SERPINE3: variants seen among roughly 807,000 people sequenced by gnomAD.
SERPINE3 encodes serpin E3.
In SERPINE3, 43 loss-of-function variants were observed where a neutral mutation model predicts 41.7. That is an observed-to-expected ratio of 1.03 (90% CI 0.81 to 1.33). The LOEUF (loss-of-function observed/expected upper bound fraction) is 1.33, where lower values mean the gene tolerates loss of function less well. Ranked by LOEUF, SERPINE3 falls within the 40% of genes most tolerant of loss-of-function variation. The pLI is 0.00. For missense variants in SERPINE3, 440 were observed against 491.7 expected, an observed-to-expected ratio of 0.89 and a Z score of 0.99; for synonymous variants, 200 against 192.2, an observed-to-expected ratio of 1.04 and a Z score of -0.34.
intron 9 of SERPINE3, chr13:51,363,945 T>C (rs1955633967): frequency 9.3e-6 from 2 of 215,236 alleles, no homozygotes; most frequent in Admixed American, 5.8e-5. Flanking sequence ...TGGGATGGGC[T>C]GAATCTCTTT....
chr13:51,350,314 C>A (rs938961373), intron 6 of SERPINE3, among the ~76,000 whole-genome samples: 2 of 152,118 alleles, frequency 1.3e-5, no homozygotes, highest in African/African-American at 2.4e-5. Flanking sequence ...GACTGTTAAT[C>A]TTCATGAGGG....
intron 5 of SERPINE3, among the ~76,000 whole-genome samples, chr13:51,347,664 A>T (rs1323920203): frequency 6.6e-6 from 1 of 152,186 alleles, no homozygotes; most frequent in Admixed American, 6.5e-5. Flanking sequence ...GGAAAATTTC[A>T]CAAATAATTC....
chr13:51,360,939 G>A (rs950730176), intron 7 of SERPINE3, among the ~76,000 whole-genome samples: 3 of 152,042 alleles, frequency 2.0e-5, no homozygotes, highest in African/African-American at 7.2e-5. Flanking sequence ...CTGGCTGAAG[G>A]AGGGATTGTA....
chr13:51,342,867 T>C (rs1338893064), intron 3 of SERPINE3, among the ~76,000 whole-genome samples: 1 of 152,236 alleles, frequency 6.6e-6, no homozygotes, highest in Non-Finnish European at 1.5e-5. Context: ...TTTTTCTTAC[T>C]ACACTCAAAT....
At chr13:51,362,137 A>AC in intron 9 of SERPINE3, 1 of 1,026,660 alleles carries the variant, frequency 9.7e-7, no homozygotes. Flanking sequence ...GTTAATGTAG[A>AC]TTTTTTTTTT....
intron 4 of SERPINE3, among the ~76,000 whole-genome samples, chr13:51,346,430 C>T (rs1955346446): frequency 6.6e-6 from 1 of 152,198 alleles, no homozygotes; most frequent in Non-Finnish European, 1.5e-5. Context: ...TGGCCCCAAA[C>T]AGAACCAGGA....
intron 7 of SERPINE3, among the ~76,000 whole-genome samples, chr13:51,358,594 G>T (rs541047958): frequency 4.1e-4 from 62 of 152,234 alleles, no homozygotes; most frequent in Non-Finnish European, 7.1e-4. Context: ...GTGGTAAGGG[G>T]TGTCTATTAT....
chr13:51,359,659 T>G (rs1031562976), intron 7 of SERPINE3, among the ~76,000 whole-genome samples: 1 of 152,166 alleles, frequency 6.6e-6, no homozygotes, highest in South Asian at 2.1e-4. Context: ...TGATAAGGGG[T>G]TTCATAGTGA....
chr13:51,361,828 G>C lies in SERPINE3; in HGVS notation c.1106G>C (p.Arg369Thr), dbSNP rs766721227. The C allele has an allele frequency of 2.5e-6, 4 of 1,608,576 alleles. No individual in the cohort carries two copies. In the East Asian group the frequency reaches 6.7e-5, roughly 27 times the overall value. ...SGATALLLLK[R>T]SRIPIFKADR... The stretch of plus-strand genomic sequence containing the variant: ...CCTGCAGCTCTGTTGTTATTGAAAA[G>C]GTCTCGGATTCCTATTTTTAAAGCA... The change falls in exon 9 of 10, where the codon AGG becomes ACG. Residue 369 changes from arginine (R) to threonine (T), a missense_variant. Coordinates refer to ENST00000681248, the MANE Select transcript of SERPINE3 (RefSeq NM_001386375.1).
intron 6 of SERPINE3, 126 bp downstream of exon 6, chr13:51,348,537 C>T (rs1370425258): frequency 1.4e-6 from 1 of 712,076 alleles, no homozygotes; most frequent in African/African-American, 1.8e-5. Context: ...TAATATGTAT[C>T]CCCAGAAGTT....
At chr13:51,360,234 A>G (rs1955550174) in intron 7 of SERPINE3, among the ~76,000 whole-genome samples, 1 of 152,034 alleles carries the variant, frequency 6.6e-6, no homozygotes, top group Admixed American at 6.6e-5. Flanking sequence ...CAAACTGATC[A>G]TTTTAACATT....
intron 6 of SERPINE3, 134 bp from the exon 7 acceptor site, chr13:51,354,909 G>A: frequency 1.6e-6 from 1 of 622,118 alleles, no homozygotes; most frequent in South Asian, 2.0e-5. Flanking sequence ...AAGGCGCCAT[G>A]GAAGATGAAG....
intron 3 of SERPINE3, 47 bp downstream of exon 3, chr13:51,341,394 C>T (rs377289699): frequency 1.7e-4 from 249 of 1,504,554 alleles, no homozygotes; most frequent in Admixed American, 2.2e-4. Flanking sequence ...CCTGTTCACA[C>T]TCACACTCTC....
intron 9 of SERPINE3, 199 bp downstream of exon 9, chr13:51,362,092 G>A: frequency 1.3e-6 from 2 of 1,503,902 alleles, no homozygotes; most frequent in East Asian, 2.5e-5. Flanking sequence ...TATCCTCCAT[G>A]TTTTTTACCT....
chr13:51,343,853 T>C (rs907558618), intron 3 of SERPINE3, among the ~76,000 whole-genome samples: 2 of 152,214 alleles, frequency 1.3e-5, no homozygotes, highest in Admixed American at 1.3e-4. Flanking sequence ...AATCTCCTGA[T>C]GTGTTTGAAA....
rs892116113 is a variant in SERPINE3 at position 51,348,402 on chromosome 13, T to A, written c.890T>A (p.Phe297Tyr). The change falls in exon 6 of 10, where the codon TTC becomes TAC. Residue 297 changes from phenylalanine (F) to tyrosine (Y), a missense_variant. Physicochemically the swap from Phe to Tyr is conservative, Grantham distance 22 (BLOSUM62 3). Transcript: ENST00000681248. ...CTGAGGAGAGCCAGGATGGATGTGT[T>A]CCTGCCCAGGTGAGCAGCTGAGTCC... ...TSLRRARMDV[F>Y]LPRFRIQNQF... is the part of the protein sequence containing the mutation. 4 of 1,613,442 alleles carry A rather than the reference T, an allele frequency of 2.5e-6. No individual in the cohort carries two copies. The highest frequency in any genetic ancestry group is 3.4e-6 in the Non-Finnish European group (4 of 1,179,766).
intron 3 of SERPINE3, among the ~76,000 whole-genome samples, chr13:51,343,538 C>T (rs1955315271): frequency 6.6e-6 from 1 of 152,220 alleles, no homozygotes; most frequent in Non-Finnish European, 1.5e-5. Context: ...AGCTGCCATC[C>T]ACGAAGGTGG....
intron 6 of SERPINE3, among the ~76,000 whole-genome samples, chr13:51,353,200 GT>G (rs1031981447): frequency 2.6e-5 from 4 of 151,958 alleles, no homozygotes; most frequent in Non-Finnish European, 4.4e-5. Context: ...TTTTACTGAT[GT>G]TTTTAGTTTA....
intron 1 of SERPINE3, 141 bp from the exon 2 acceptor site, chr13:51,340,643 T>G: frequency 6.0e-6 from 1 of 167,286 alleles, no homozygotes. Flanking sequence ...CAAAGTCCTT[T>G]TTAACATAGT....
Sources: allele counts gnomAD v4.1 joint callset (sites outside exome capture counted in the v4.1 genomes callset), GRCh38; gene constraint gnomAD v4.1.1; transcripts MANE v1.5; gene names NCBI Gene and HGNC (gene_info 2026-07-23, HGNC 2026-07-21).